COG5: variants seen among roughly 807,000 people sequenced by gnomAD.
The protein encoded by COG5 is component of oligomeric golgi complex 5.
Under a neutral mutation model 110.4 loss-of-function variants are expected in COG5, and 86 were observed. The ratio of observed to expected loss-of-function variants is 0.78; its 90% CI spans 0.65 to 0.93. The LOEUF is 0.93. Among genes scored for constraint, COG5 ranks in the 40% least tolerant of loss-of-function variants. The pLI is 0.00. For missense variants in COG5, 1,077 were observed against 987.0 expected, an observed-to-expected ratio of 1.09 and a Z score of -1.22; for synonymous variants, 360 against 334.6, an observed-to-expected ratio of 1.08 and a Z score of -0.83.
At chr7:107,405,564 A>G (rs887754998) in intron 7 of COG5, among the ~76,000 whole-genome samples, 3 of 152,274 alleles carry the variant, frequency 2.0e-5, no homozygotes, top group African/African-American at 7.2e-5. Context: ...AATTAAACTC[A>G]GAAAGATGTT....
At chr7:107,320,192 T>G (rs1809137413) in intron 11 of COG5, among the ~76,000 whole-genome samples, 1 of 152,150 alleles carries the variant, frequency 6.6e-6, no homozygotes, top group African/African-American at 2.4e-5. Context: ...GAAGTTTTGT[T>G]ATATAAATAG....
chr7:107,362,035 T>G lies in COG5; in HGVS notation c.1024A>C (p.Lys342Gln). The G allele has an allele frequency of 6.3e-7, 1 of 1,590,910 alleles. No homozygotes were observed. The highest frequency in any genetic ancestry group is 8.6e-7 in the Non-Finnish European group (1 of 1,160,678). ...AAAATATTTTCCTTTAAACATACCT[T>G]AACTATTTCTTCAATGAAACAAATG... The part of the protein sequence containing the change: ...SHICFIEEIV[K>Q]DGQPEIFYTF... Residue 342 changes from lysine to glutamine, a missense_variant and splice_region_variant, in exon 10 of 22, where the codon AAG becomes CAG. By Grantham distance (53) the Lys-to-Gln change is moderately conservative (BLOSUM62 1). Coordinates refer to ENST00000297135, the MANE Select transcript of COG5 (RefSeq NM_006348.5).
intron 6 of COG5, among the ~76,000 whole-genome samples, chr7:107,495,973 G>A (rs1798249686): frequency 6.7e-6 from 1 of 149,268 alleles, no homozygotes; most frequent in African/African-American, 2.5e-5. Flanking sequence ...TAAGAGACAA[G>A]GTCTCGCTAT....
chr7:107,387,152 T>G (rs1159821631), intron 7 of COG5, among the ~76,000 whole-genome samples: 1 of 152,082 alleles, frequency 6.6e-6, no homozygotes, highest in African/African-American at 2.4e-5. Flanking sequence ...AGATAAAGCA[T>G]TAGAGGCCAG....
intron 6 of COG5, among the ~76,000 whole-genome samples, chr7:107,522,925 T>G (rs2129153254): frequency 6.6e-6 from 1 of 152,380 alleles, no homozygotes; most frequent in Middle Eastern, 3.4e-3. Context: ...GTCTTTGTAA[T>G]AAGTCTTCAA....
chr7:107,255,457 C>T (rs1802814928), intron 16 of COG5, among the ~76,000 whole-genome samples: 1 of 152,022 alleles, frequency 6.6e-6, no homozygotes, highest in African/African-American at 2.4e-5. Flanking sequence ...AATCCTCATT[C>T]CCTGTAAATT....
chr7:107,340,200 C>T lies in COG5; in HGVS notation c.1027-15679G>A, dbSNP rs180953253. ...GAAATGACAAAGGCAACATTACAAC[C>T]GATCCCACAGAAATACAAAAGCTCC... On this transcript the variant is annotated intron_variant, in intron 10 of 21. Coordinates refer to ENST00000297135, the MANE Select transcript of COG5 (RefSeq NM_006348.5). Among the ~76,000 whole-genome samples the T allele has an allele frequency of 6.3e-4, 96 of 152,070 alleles. No homozygotes were observed. The East Asian group carries it at 8.3e-3, about 13-fold the overall frequency.
rs569383721 is a variant in COG5, at chr7:107,355,435, A to C, written c.1026+6598T>G. On this transcript the variant is annotated intron_variant, in intron 10 of 21. Coordinates refer to ENST00000297135, the MANE Select transcript of COG5 (RefSeq NM_006348.5). ...TATGTATTTACCCAAAAGAGATGAA[A>C]ATGCAAAAGGCTGAGCAAGAGGTGA... is the stretch of plus-strand genomic sequence containing the variant. Among the ~76,000 whole-genome samples the C allele has an allele frequency of 2.6e-5, 4 of 152,342 alleles. No individual in the cohort carries two copies. The South Asian group carries it at 8.3e-4, about 32-fold the overall frequency.
intron 7 of COG5, among the ~76,000 whole-genome samples, chr7:107,388,396 AATGG>A: frequency 6.6e-6 from 1 of 152,348 alleles, no homozygotes; most frequent in East Asian, 1.9e-4. Flanking sequence ...TAAAACTGAT[AATGG>A]TCCAGCTTAT....
rs535331020 is a variant in COG5, at chr7:107,264,732, G to A, written c.1576-6349C>T. On this transcript the variant is annotated intron_variant, in intron 14 of 21. Transcript: ENST00000297135. Reference sequence around the variant, plus strand: ...AACCAAAAACGAACCCCAGAAAATGGATCATAAGAAAATAATAGAGAAAAG... The same window carrying A: ...AACCAAAAACGAACCCCAGAAAATGAATCATAAGAAAATAATAGAGAAAAG... Among the ~76,000 whole-genome samples, 5 of 151,868 alleles carry A rather than the reference G, an allele frequency of 3.3e-5. No homozygotes were observed. The East Asian group carries it at 5.8e-4, about 18-fold the overall frequency.
intron 14 of COG5, 157 bp from the exon 15 acceptor site, chr7:107,258,540 T>C (rs1351209847): frequency 1.2e-5 from 8 of 657,084 alleles, no homozygotes; most frequent in African/African-American, 3.6e-5. Context: ...CTGGAAATAT[T>C]CAGGTCAACT....
chr7:107,419,218 C>CA (rs1793097911), intron 6 of COG5, among the ~76,000 whole-genome samples: 1 of 151,952 alleles, frequency 6.6e-6, no homozygotes, highest in South Asian at 2.1e-4. Context: ...CACAGAAACG[C>CA]AAATGGCTTA....
At chr7:107,222,354 T>A (rs557310878) in intron 19 of COG5, among the ~76,000 whole-genome samples, 6 of 152,280 alleles carry the variant, frequency 3.9e-5, no homozygotes, top group African/African-American at 1.4e-4. Context: ...CAGGGGCGCA[T>A]GGCACTATGC....
chr7:107,454,131 T>C (rs1266469889), intron 6 of COG5, among the ~76,000 whole-genome samples: 1 of 151,672 alleles, frequency 6.6e-6, no homozygotes, highest in East Asian at 1.9e-4. Context: ...GTGTATATAA[T>C]TGAAAAATAA....
At chr7:107,243,140 A>C (rs961070520) in intron 17 of COG5, among the ~76,000 whole-genome samples, 1 of 152,220 alleles carries the variant, frequency 6.6e-6, no homozygotes, top group African/African-American at 2.4e-5. Context: ...TCAATTCAAC[A>C]AGAAGATTTA....
At chr7:107,493,180 C>A (rs908332327) in intron 6 of COG5, among the ~76,000 whole-genome samples, 1 of 152,132 alleles carries the variant, frequency 6.6e-6, no homozygotes, top group Admixed American at 6.6e-5. Context: ...TACCTTCCAC[C>A]ACGTAAGGAT....
At chr7:107,232,088 A>C (rs1389358294) in intron 18 of COG5, among the ~76,000 whole-genome samples, 1 of 152,238 alleles carries the variant, frequency 6.6e-6, no homozygotes, top group Non-Finnish European at 1.5e-5. Flanking sequence ...AAAGACATGG[A>C]TTGCATACTG....
chr7:107,512,323 G>C (rs967531962), intron 6 of COG5, among the ~76,000 whole-genome samples: 32 of 152,204 alleles, frequency 2.1e-4, no homozygotes, highest in Middle Eastern at 3.4e-3. Context: ...AAAATACCTA[G>C]GAATCTAACT....
chr7:107,415,630 G>A (rs1332659650), intron 6 of COG5, among the ~76,000 whole-genome samples: 1 of 151,432 alleles, frequency 6.6e-6, no homozygotes, highest in Non-Finnish European at 1.5e-5. Flanking sequence ...AGAAAAAGGT[G>A]AATATATTTG....
Sources: gnomAD v4.1 joint callset for allele counts (sites outside exome capture counted in the v4.1 genomes callset) on GRCh38, gnomAD v4.1.1 for gene constraint, MANE v1.5 for transcripts, NCBI Gene and HGNC (gene_info 2026-07-23, HGNC 2026-07-21) for gene names.